The following VTA1 variants were observed in gnomAD, a reference collection of about 807,000 sequenced individuals.
VTA1 encodes the protein vesicle trafficking 1, also known as vacuolar protein sorting-associated protein VTA1 homolog.
In VTA1, 24 loss-of-function variants were observed where a neutral mutation model predicts 36.9. The observed-to-expected ratio is 0.65, with a 90% CI of 0.47 to 0.91. The LOEUF is 0.91. VTA1 is among the 40% of genes least tolerant of loss of function. The probability of loss-of-function intolerance (pLI) is 0.00; values close to 1 mark genes in which losing one functional copy is unlikely to be tolerated. For synonymous variants in VTA1, 142 were observed against 130.2 expected (o/e 1.09, Z -0.62); for missense variants, 393 against 377.2 (o/e 1.04, Z -0.35).
At chr6:142,148,588 C>T (rs1323153456) in intron 1 of VTA1, among the ~76,000 whole-genome samples, 2 of 152,166 alleles carry the variant, frequency 1.3e-5, no homozygotes, top group African/African-American at 4.8e-5. Flanking sequence ...ACTACATTTG[C>T]TGCATTTTTG....
chr6:142,162,650 G>A (rs1326202430), intron 1 of VTA1, among the ~76,000 whole-genome samples: 1 of 152,132 alleles, frequency 6.6e-6, no homozygotes, highest in East Asian at 1.9e-4. Context: ...CTGCTGCTTG[G>A]ATGCAGATAT....
chr6:142,196,581 A>C (rs1775556340), intron 5 of VTA1, among the ~76,000 whole-genome samples: 1 of 151,486 alleles, frequency 6.6e-6, no homozygotes, highest in Non-Finnish European at 1.5e-5. Context: ...TTTCTCTTAC[A>C]GTTTTTCCCC....
chr6:142,215,587 T>G (rs2114690286), intron 7 of VTA1, among the ~76,000 whole-genome samples: 1 of 152,324 alleles, frequency 6.6e-6, no homozygotes, highest in East Asian at 1.9e-4. Flanking sequence ...CCTGTATGTA[T>G]GAAGGTTCAG....
At chr6:142,159,196 C>G (rs768390272) in intron 1 of VTA1, among the ~76,000 whole-genome samples, 1 of 151,642 alleles carries the variant, frequency 6.6e-6, no homozygotes, top group Non-Finnish European at 1.5e-5. Context: ...CCTGTCTCTA[C>G]CAAAAATACA....
rs550073199 is a variant in VTA1 at position 142,217,968 on chromosome 6, GT to G, written c.779-527del. 1.1e-3 allele frequency among the ~76,000 whole-genome samples: 174 copies of G among 152,036 alleles called. 2 individuals carry two copies. Among genetic ancestry groups the G allele is most frequent in the Admixed American group, 8.8e-3 (135 of 15,266 alleles). On this transcript the variant is annotated intron_variant, in intron 7 of 7. Coordinates refer to ENST00000367630, the MANE Select transcript of VTA1 (RefSeq NM_016485.5). ...AATAATATGTAATGGTTGTTTACAT[GT>G]TTAATTGTATATTTCAGTGATATAA...
intron 1 of VTA1, among the ~76,000 whole-genome samples, chr6:142,161,883 A>G (rs1774817000): frequency 1.3e-5 from 2 of 152,134 alleles, no homozygotes; most frequent in African/African-American, 2.4e-5. Context: ...AATGTATCTT[A>G]TGGTAAATTT....
At chr6:142,205,933 G>T (rs1387831522) in intron 7 of VTA1, among the ~76,000 whole-genome samples, 1 of 152,114 alleles carries the variant, frequency 6.6e-6, no homozygotes, top group Non-Finnish European at 1.5e-5. Flanking sequence ...GATTTCATTT[G>T]ACTTAGACAC....
Position 142,209,040 on chromosome 6 carries a change from T to G in VTA1, c.778+4975T>G, listed in dbSNP as rs138129051. Among the ~76,000 whole-genome samples, 62 of 152,210 alleles carry G rather than the reference T, an allele frequency of 4.1e-4. No individual in the cohort carries two copies. In the East Asian group the frequency reaches 8.1e-3, roughly 20 times the overall value. On this transcript the variant is annotated intron_variant, in intron 7 of 7. Transcript: ENST00000367630. Reference sequence around the variant, plus strand: ...AGAGCAATTAGGCAAAAGAAAGAAATAAAGTTCATCCAAATTGAAAAGGAA... The same window carrying G: ...AGAGCAATTAGGCAAAAGAAAGAAAGAAAGTTCATCCAAATTGAAAAGGAA...
At position 142,181,094 on chromosome 6, in the gene VTA1, A is replaced by AATATATATATATATATATATATAT. The variant is rs1169535055; in HGVS notation, c.412-8309_412-8308insTATATATATATATATATATATATA. ...AATGGTACAGAAAAAAAAAAAAAAA[A>AATATATATATATATATATATATAT]ATATATATATATATATATATATACA... On this transcript the variant is annotated intron_variant, in intron 4 of 7. Coordinates refer to ENST00000367630, the MANE Select transcript of VTA1 (RefSeq NM_016485.5). Among the ~76,000 whole-genome samples, 47 of 36,370 alleles carry AATATATATATATATATATATATAT rather than the reference A, an allele frequency of 1.3e-3. 2 individuals are homozygous for AATATATATATATATATATATATAT. Among genetic ancestry groups the AATATATATATATATATATATATAT allele is most frequent in the Non-Finnish European group, 2.2e-3 (37 of 17,126 alleles). The allele number at this position is 36,370 out of a possible 152,430, so 23.9% of individuals were successfully genotyped here.
intron 7 of VTA1, among the ~76,000 whole-genome samples, chr6:142,208,046 C>A (rs1314064999): frequency 6.8e-6 from 1 of 147,842 alleles, no homozygotes; most frequent in Non-Finnish European, 1.5e-5. Context: ...GAGATCTCCC[C>A]ACTGCACTCT....
intron 4 of VTA1, among the ~76,000 whole-genome samples, chr6:142,182,720 G>A (rs1436398321): frequency 2.0e-5 from 3 of 152,120 alleles, no homozygotes; most frequent in Non-Finnish European, 4.4e-5. Flanking sequence ...ACTTGGAGGA[G>A]CTTATCAAAC....
Position 142,197,211 on chromosome 6 carries a change from G to A in VTA1, c.521-1228G>A, listed in dbSNP as rs546221355. 2.0e-5 allele frequency among the ~76,000 whole-genome samples: 3 copies of A among 152,266 alleles called. No homozygotes were observed. The South Asian group carries it at 6.2e-4, about 32-fold the overall frequency. On this transcript the variant is annotated intron_variant, in intron 5 of 7. Transcript: ENST00000367630. ...GTTCTCCAGTATTGGGGAAAGTCAT[G>A]TTAATGTATGTAAAGTATAAATACA...
intron 1 of VTA1, among the ~76,000 whole-genome samples, chr6:142,155,066 T>A (rs1778638377): frequency 6.6e-6 from 1 of 152,176 alleles, no homozygotes; most frequent in Admixed American, 6.5e-5. Context: ...GATATAGTAG[T>A]TTTCTAGAAT....
At position 142,198,429 on chromosome 6, in the gene VTA1, G is replaced by A; in HGVS notation, c.521-10G>A. The A allele has an allele frequency of 6.2e-7, 1 of 1,613,422 alleles. No individual in the cohort carries two copies. Among genetic ancestry groups the A allele is most frequent in the Non-Finnish European group, 8.5e-7 (1 of 1,179,606 alleles). ...ACCTACTGTAACATTGTGTATATGT[G>A]ATCTGATAGATATTGAAGAAAATGA... On this transcript the variant is annotated splice_polypyrimidine_tract_variant and intron_variant, in intron 5 of 7. Coordinates refer to ENST00000367630, the MANE Select transcript of VTA1 (RefSeq NM_016485.5).
At chr6:142,196,094 T>C (rs1775547245) in intron 5 of VTA1, among the ~76,000 whole-genome samples, 2 of 152,206 alleles carry the variant, frequency 1.3e-5, no homozygotes, top group South Asian at 4.1e-4. Context: ...GTTATTATAT[T>C]AGGCACATGT....
intron 3 of VTA1, 87 bp from the exon 4 acceptor site, chr6:142,170,259 A>C (rs1775002307): frequency 3.3e-6 from 3 of 911,796 alleles, no homozygotes; most frequent in Non-Finnish European, 5.2e-6. Context: ...TTATAAAGAT[A>C]GGAATTTTTT....
intron 5 of VTA1, among the ~76,000 whole-genome samples, chr6:142,193,048 T>C (rs1325193198): frequency 6.6e-6 from 1 of 152,140 alleles, no homozygotes; most frequent in East Asian, 1.9e-4. Context: ...TTCCTTCTCA[T>C]GCACATAGAT....
At chr6:142,170,086 A>G (rs1166594294) in intron 3 of VTA1, among the ~76,000 whole-genome samples, 1 of 152,232 alleles carries the variant, frequency 6.6e-6, no homozygotes, top group Non-Finnish European at 1.5e-5. Context: ...AGATAATACT[A>G]TAATTACATT....
At position 142,166,276 on chromosome 6, in the gene VTA1, C is replaced by G. The variant is rs141564366; in HGVS notation, c.161C>G (p.Pro54Arg). 39 of 1,612,102 alleles carry G rather than the reference C, an allele frequency of 2.4e-5. No individual in the cohort carries two copies. The highest frequency in any genetic ancestry group is 3.1e-5 in the Non-Finnish European group (36 of 1,178,948). ...GGAATGAAGATCGATAGTAAAACTCCTGAATGTCGCAAATTTTTATCAAAG... is the reference window on the plus strand; with the variant it reads ...GGAATGAAGATCGATAGTAAAACTCGTGAATGTCGCAAATTTTTATCAAAG... ...QTGMKIDSKT[P>R]ECRKFLSKLM... Residue 54 changes from proline to arginine, a missense_variant, in exon 2 of 8, where the codon CCT becomes CGT. By Grantham distance (103) the Pro-to-Arg change is moderately radical. Transcript: ENST00000367630.
Sources: gnomAD v4.1 joint callset for allele counts (sites outside exome capture counted in the v4.1 genomes callset) on GRCh38, gnomAD v4.1.1 for gene constraint, MANE v1.5 for transcripts, NCBI Gene and HGNC (gene_info 2026-07-23, HGNC 2026-07-21) for gene names.